FBXW10: variants seen among roughly 807,000 people sequenced by gnomAD.
FBXW10 encodes the protein F-box/WD repeat-containing protein 10.
In FBXW10, 68 loss-of-function variants were observed where a neutral mutation model predicts 113.1. The observed-to-expected ratio is 0.60, with a 90% CI of 0.49 to 0.74. The LOEUF is 0.74. FBXW10 is among the 30% of genes least tolerant of loss of function. The pLI is 0.00. For synonymous variants in FBXW10, 289 were observed against 481.6 expected (o/e 0.60, Z 5.24); for missense variants, 753 against 1,284.5 (o/e 0.59, Z 6.32).
At chr17:18,747,753 T>C (rs921616725) in intron 1 of FBXW10, among the ~76,000 whole-genome samples, 188 bp from the exon 2 acceptor site, 7 of 151,966 alleles carry the variant, frequency 4.6e-5, no homozygotes, top group Non-Finnish European at 7.4e-5. Flanking sequence ...GCTGAAAAGC[T>C]AACAGGAAGC....
chr17:18,778,846 A>G lies in FBXW10; in HGVS notation c.2707A>G (p.Arg903Gly), dbSNP rs2035750778. The part of the protein sequence containing the change: ...PNLKISLHSP[R>G]VQSTIPQPMI... Reference sequence around the variant, plus strand: ...CTTGAAGATCTCTTTGCACAGTCCTAGAGTCCAGTCCACCATACCCCAGCC... The same window carrying G: ...CTTGAAGATCTCTTTGCACAGTCCTGGAGTCCAGTCCACCATACCCCAGCC... Residue 903 changes from arginine (R) to glycine (G), a missense_variant, in exon 14 of 14, where the codon AGA (arginine) becomes GGA (glycine). Arg to Gly is a moderately radical substitution (Grantham distance 125). Transcript: ENST00000395665. 6.2e-7 allele frequency: 1 copy of G among 1,613,978 alleles called. No homozygotes were observed. Among genetic ancestry groups the G allele is most frequent in the Non-Finnish European group, 8.5e-7 (1 of 1,179,882 alleles).
At chr17:18,761,622 G>C (rs1284845437) in intron 7 of FBXW10, among the ~76,000 whole-genome samples, 1 of 152,176 alleles carries the variant, frequency 6.6e-6, no homozygotes, top group Non-Finnish European at 1.5e-5. Flanking sequence ...TTTGGAGTAA[G>C]TTTACCAACT....
chr17:18,772,779 G>C, intron 12 of FBXW10, 96 bp downstream of exon 12: 1 of 1,148,642 alleles, frequency 8.7e-7, no homozygotes, highest in Non-Finnish European at 1.3e-6. Flanking sequence ...TGGTTCGTTT[G>C]TGGAATATTT....
In FBXW10 at chr17:18,750,857, C is replaced by T. The variant is rs1734180889; in HGVS notation, c.1000-74C>T. On this transcript the variant is annotated intron_variant, in intron 4 of 13. Coordinates refer to ENST00000395665, the MANE Select transcript of FBXW10 (RefSeq NM_001267585.2). ...TTGCCAAGAACTAGTTTTTCCCTTC[C>T]TCCTGCAGAGTTGGAGCCAAGAGAA... The T allele has an allele frequency of 2.0e-6, 3 of 1,520,730 alleles. No individual in the cohort carries two copies. In the South Asian group the frequency reaches 3.7e-5, roughly 19 times the overall value. The allele number at this position is 1,520,730 out of a possible 1,614,324, so 94.2% of individuals were successfully genotyped here.
At chr17:18,758,080 T>C (rs2035301153) in intron 6 of FBXW10, among the ~76,000 whole-genome samples, 1 of 152,194 alleles carries the variant, frequency 6.6e-6, no homozygotes, top group African/African-American at 2.4e-5. Flanking sequence ...TTGCCTTGTG[T>C]CTCTAGTTTT....
rs1452649459 is a variant in FBXW10, at chr17:18,778,974, G to A, written c.2835G>A (p.Met945Ile). The change falls in exon 14 of 14, where the codon ATG becomes ATA. Residue 945 changes from methionine (M) to isoleucine (I), a missense_variant. Met to Ile is a conservative substitution (Grantham distance 10). Transcript: ENST00000395665. ...AVCSTGPLTS[M>I]QVIKPNRMLA... ...GCAGTACGGGTCCCCTGACCAGTAT[G>A]CAGGTCATTAAACCAAACCGCATGC... is the stretch of plus-strand genomic sequence containing the variant. 6.2e-7 allele frequency: 1 copy of A among 1,605,554 alleles called. No homozygotes were observed. Among genetic ancestry groups the A allele is most frequent in the African/African-American group, 1.4e-5 (1 of 73,654 alleles).
intron 7 of FBXW10, among the ~76,000 whole-genome samples, chr17:18,762,774 G>T (rs1404141031): frequency 6.6e-6 from 1 of 151,642 alleles, no homozygotes; most frequent in African/African-American, 2.4e-5. Flanking sequence ...TACATCTACA[G>T]TTTCTCCACT....
intron 9 of FBXW10, among the ~76,000 whole-genome samples, chr17:18,767,707 T>C (rs1283710846): frequency 1.3e-5 from 2 of 152,168 alleles, no homozygotes; most frequent in Non-Finnish European, 2.9e-5. Context: ...TGGCTTGGCC[T>C]GTGGAATTTC....
chr17:18,767,439 G>A lies in FBXW10; in HGVS notation c.1704+577G>A, dbSNP rs1346188988. 5.0e-5 allele frequency among the ~76,000 whole-genome samples: 6 copies of A among 120,940 alleles called. No homozygotes were observed. In the East Asian group the frequency reaches 7.7e-4, roughly 16 times the overall value. The allele number at this position is 120,940 out of a possible 152,430, so 79.3% of individuals were successfully genotyped here. A position where few individuals can be genotyped will look rare whatever the true frequency, so the allele number is the denominator to read the frequency against. ...ACGTTGCAGTGAGCCGAGATCATGC[G>A]TCTCAAAAAAAAAAAAAAAAAATTC... On this transcript the variant is annotated intron_variant, in intron 9 of 13. Coordinates refer to ENST00000395665, the MANE Select transcript of FBXW10 (RefSeq NM_001267585.2).
chr17:18,770,559 T>C (rs28602749), intron 11 of FBXW10, among the ~76,000 whole-genome samples: 128,798 of 151,768 alleles, frequency 0.85, 54,773 homozygotes, highest in Admixed American at 0.89. Context: ...GTCACGGCCT[T>C]CCAAAGCGCT....
rs747551952 is a variant in FBXW10 at position 18,772,454 on chromosome 17, T to G, written c.2049T>G (p.Phe683Leu). Reference sequence around the variant, plus strand: ...AGAGCAATGTTCTCATGTTCCAGTTTGAGCACATAAAGTGGCAGTATGCCG... The same window carrying G: ...AGAGCAATGTTCTCATGTTCCAGTTGGAGCACATAAAGTGGCAGTATGCCG... ...NTESNVLMFQFEHIKWQYAVE... is the reference protein window; with the variant it reads ...NTESNVLMFQLEHIKWQYAVE... The change falls in exon 12 of 14, where the codon TTT becomes TTG. Residue 683 changes from phenylalanine to leucine, a missense_variant. Physicochemically the swap from Phe to Leu is conservative, Grantham distance 22. Coordinates refer to ENST00000395665, the MANE Select transcript of FBXW10 (RefSeq NM_001267585.2). The G allele has an allele frequency of 1.9e-6, 3 of 1,614,138 alleles. No individual in the cohort carries two copies. Among genetic ancestry groups the G allele is most frequent in the Admixed American group, 3.3e-5 (2 of 60,014 alleles).
chr17:18,761,839 T>C (rs1421388469), intron 7 of FBXW10, among the ~76,000 whole-genome samples: 1 of 152,236 alleles, frequency 6.6e-6, no homozygotes, highest in Non-Finnish European at 1.5e-5. Flanking sequence ...TATTTTCAAA[T>C]TAGTTATTGC....
chr17:18,751,006 G>A lies in FBXW10; in HGVS notation c.1075G>A (p.Gly359Arg), dbSNP rs140944543. The change falls in exon 5 of 14, where the codon GGG becomes AGG. Residue 359 changes from glycine (G) to arginine (R), a missense_variant. Physicochemically the swap from Gly to Arg is moderately radical, Grantham distance 125. Coordinates refer to ENST00000395665, the MANE Select transcript of FBXW10 (RefSeq NM_001267585.2). ...SIPVPKMVDD[G>R]KSMRVKHPKW... The stretch of plus-strand genomic sequence containing the variant: ...CCCAGTTCCTAAAATGGTAGATGAC[G>A]GGAAGAGCATGCGTGTGAAACATCC... 1,562 of 1,614,016 alleles carry A rather than the reference G, an allele frequency of 9.7e-4. 13 individuals are homozygous for A. Among genetic ancestry groups the A allele is most frequent in the Non-Finnish European group, 1.2e-4 (143 of 1,180,002 alleles).
chr17:18,766,559 C>T (rs1479459596), intron 8 of FBXW10, among the ~76,000 whole-genome samples, 155 bp from the exon 9 acceptor site: 8 of 152,158 alleles, frequency 5.3e-5, no homozygotes, highest in African/African-American at 1.7e-4. Flanking sequence ...GCCTGCTCTG[C>T]GGAGGTGCTA....
intron 12 of FBXW10, among the ~76,000 whole-genome samples, chr17:18,773,640 A>G (rs1400423321): frequency 6.6e-6 from 1 of 152,204 alleles, no homozygotes; most frequent in Non-Finnish European, 1.5e-5. Flanking sequence ...GGATCCACAG[A>G]TCTATAGAGA....
At chr17:18,749,413 G>A (rs2035110400) in intron 2 of FBXW10, among the ~76,000 whole-genome samples, 1 of 152,006 alleles carries the variant, frequency 6.6e-6, no homozygotes, top group Admixed American at 6.6e-5. Context: ...CGGGCGTGGT[G>A]GCGGGCTCCT....
intron 13 of FBXW10, among the ~76,000 whole-genome samples, chr17:18,776,748 G>T (rs67053020): frequency 6.6e-6 from 1 of 151,946 alleles, no homozygotes; most frequent in Non-Finnish European, 1.5e-5. Context: ...GCATTTTGTA[G>T]TTGCTTGTAT....
intron 1 of FBXW10, chr17:18,744,973 G>C: frequency 7.0e-7 from 1 of 1,423,212 alleles, no homozygotes; most frequent in Non-Finnish European, 9.2e-7. Flanking sequence ...CAATGCAGGA[G>C]GAAGTACACA....
At chr17:18,775,579 G>A (rs143545979) in intron 13 of FBXW10, among the ~76,000 whole-genome samples, 1 of 152,318 alleles carries the variant, frequency 6.6e-6, no homozygotes, top group African/African-American at 2.4e-5. Context: ...ATCAATCTGA[G>A]AAATGGGCAC....
Sources: allele counts gnomAD v4.1 joint callset (sites outside exome capture counted in the v4.1 genomes callset), GRCh38; gene constraint gnomAD v4.1.1; transcripts MANE v1.5; gene names NCBI Gene and HGNC (gene_info 2026-07-23, HGNC 2026-07-21).